SLC46A3: variants seen among roughly 807,000 people sequenced by gnomAD.
SLC46A3 encodes solute carrier family 46 member 3.
SLC46A3 carries 26 observed loss-of-function variants against 38.5 expected under a neutral mutation model. The observed-to-expected ratio is 0.68, with a 90% confidence interval of 0.49 to 0.94. The LOEUF (loss-of-function observed/expected upper bound fraction) is 0.94. Among genes scored for constraint, SLC46A3 ranks in the 40% least tolerant of loss-of-function variants. The probability of loss-of-function intolerance (pLI) is 0.00; values close to 1 mark genes in which losing one functional copy is unlikely to be tolerated. For missense variants in SLC46A3, 510 were observed against 544.3 expected (o/e 0.94, Z 0.63); for synonymous variants, 185 against 192.5 (o/e 0.96, Z 0.32).
Position 28,712,907 on chromosome 13 carries a change from G to GCACA in SLC46A3, c.832_833insTGTG (p.Ala278ValfsTer9). ...CAATTCATAAAGGATAAAAATTGGG[G>GCACA]CAATGCCAATTACCACAAAAAAATA... On this transcript the variant is annotated frameshift_variant, in exon 3 of 6. Coordinates refer to ENST00000266943, the MANE Select transcript of SLC46A3 (RefSeq NM_181785.4). LOFTEE classifies it high-confidence loss of function. 1 of 1,610,114 alleles carries GCACA rather than the reference G, an allele frequency of 6.2e-7. No individual in the cohort carries two copies. Among genetic ancestry groups the GCACA allele is most frequent in the Non-Finnish European group, 8.5e-7 (1 of 1,179,054 alleles).
At position 28,717,921 on chromosome 13, in the gene SLC46A3, T is replaced by G; in HGVS notation, c.78A>C (p.Gln26His). ...CTTCCCATATTCTCCGATAAACATA[T>G]TGCGTTGTCAGTGGACCGGTCAAAG... ...AMTLTGPLTT[Q>H]YVYRRIWEET... The change falls in exon 2 of 6, where the codon CAA (glutamine) becomes CAC (histidine). Residue 26 changes from glutamine to histidine, a missense_variant. Coordinates refer to ENST00000266943, the MANE Select transcript of SLC46A3 (RefSeq NM_181785.4). 6.2e-7 allele frequency: 1 copy of G among 1,614,152 alleles called. No homozygotes were observed. The highest frequency in any genetic ancestry group is 8.5e-7 in the Non-Finnish European group (1 of 1,180,018).
At chr13:28,706,879 T>A (rs539672257) in intron 4 of SLC46A3, among the ~76,000 whole-genome samples, 1 of 152,282 alleles carries the variant, frequency 6.6e-6, no homozygotes, top group East Asian at 1.9e-4. Context: ...AGAATGGCGA[T>A]CATTAAAAAG....
chr13:28,707,160 T>A (rs1031850565), intron 4 of SLC46A3, among the ~76,000 whole-genome samples: 5 of 152,084 alleles, frequency 3.3e-5, no homozygotes, highest in African/African-American at 9.6e-5. Flanking sequence ...CAAATGTCCA[T>A]CAATGATAGA....
chr13:28,717,700 G>T, intron 2 of SLC46A3, 110 bp downstream of exon 2: 2 of 1,105,110 alleles, frequency 1.8e-6, no homozygotes, highest in Non-Finnish European at 2.6e-6. Flanking sequence ...TTAGGACTTT[G>T]ATGGCCGCCC....
At position 28,713,420 on chromosome 13, in the gene SLC46A3, GAC is replaced by G. The variant is rs1435980612; in HGVS notation, c.318_319del (p.Leu106PhefsTer51). On this transcript the variant is annotated frameshift_variant, in exon 3 of 6. Transcript: ENST00000266943. LOFTEE classifies it high-confidence loss of function. ...GCTGGTTGCAAGAGCACCAACGGAAGACAAAATCATAGGGAATTTTCGTCCGT... is the reference window on the plus strand; with the variant it reads ...GCTGGTTGCAAGAGCACCAACGGAAGAAAATCATAGGGAATTTTCGTCCGT... 4 of 1,614,062 alleles carry G rather than the reference GAC, an allele frequency of 2.5e-6. No individual in the cohort carries two copies. In the East Asian group the frequency reaches 8.9e-5, roughly 36 times the overall value.
intron 4 of SLC46A3, among the ~76,000 whole-genome samples, chr13:28,706,737 A>G (rs1410074246): frequency 6.6e-6 from 1 of 152,158 alleles, no homozygotes; most frequent in Non-Finnish European, 1.5e-5. Flanking sequence ...AAGCCTTTAT[A>G]AGGATATGAA....
chr13:28,711,432 A>G (rs939900846), intron 3 of SLC46A3, among the ~76,000 whole-genome samples: 1 of 151,824 alleles, frequency 6.6e-6, no homozygotes, highest in Non-Finnish European at 1.5e-5. Context: ...CAAAGAAAAA[A>G]AAAAAACAAA....
chr13:28,717,702 T>C (rs547087515), intron 2 of SLC46A3, 108 bp downstream of exon 2: 19 of 1,125,780 alleles, frequency 1.7e-5, no homozygotes, highest in Non-Finnish European at 2.3e-5. Flanking sequence ...AGGACTTTGA[T>C]GGCCGCCCTA....
rs185041540 is a variant in SLC46A3 at position 28,713,085 on chromosome 13, C to T, written c.655G>A (p.Gly219Arg). 219 of 1,610,640 alleles carry T rather than the reference C, an allele frequency of 1.4e-4. No individual in the cohort carries two copies. The highest frequency in any genetic ancestry group is 1.7e-4 in the Admixed American group (10 of 59,376). The change falls in exon 3 of 6, where the codon GGA (glycine) becomes AGA (arginine). Residue 219 changes from glycine (G) to arginine (R), a missense_variant. Physicochemically the swap from Gly to Arg is moderately radical, Grantham distance 125. Transcript: ENST00000266943. ...GATGAACACTCTTTCACTGGATCTCCGAGAAAAAATAAAATATAGATCAAA... is the reference window on the plus strand; with the variant it reads ...GATGAACACTCTTTCACTGGATCTCTGAGAAAAAATAAAATATAGATCAAA... ...VNLIYILFFLGDPVKECSSQN... is the reference protein window; with the variant it reads ...VNLIYILFFLRDPVKECSSQN...
chr13:28,701,668 C>T lies in SLC46A3; in HGVS notation c.1302-87G>A, dbSNP rs938717810. The T allele has an allele frequency of 5.6e-6, 7 of 1,254,916 alleles. No individual in the cohort carries two copies. The African/African-American group carries it at 9.1e-5, about 16-fold the overall frequency. 77.7% of individuals were successfully genotyped at this position (1,254,916 alleles called of 1,614,324 possible). On this transcript the variant is annotated intron_variant, in intron 5 of 5. Transcript: ENST00000266943. The stretch of plus-strand genomic sequence containing the variant: ...GTTTTCCAACTTTTTTTCCCAGTTA[C>T]ATAGCTTTTAATAAATTATGCAGAT...
rs1051442760 is a variant in SLC46A3 at position 28,718,792 on chromosome 13, C to CA, written c.-322dup. 8 of 152,514 alleles carry CA rather than the reference C, an allele frequency of 5.2e-5. No homozygotes were observed. Among genetic ancestry groups the CA allele is most frequent in the Admixed American group, 3.3e-4 (5 of 15,318 alleles). The allele number at this position is 152,514 out of a possible 1,614,324, so 9.4% of individuals were successfully genotyped here. On this transcript the variant is annotated 5_prime_UTR_variant, in exon 1 of 6. The change abolishes the stop of an existing upstream ORF in the 5' untranslated region. Coordinates refer to ENST00000266943, the MANE Select transcript of SLC46A3 (RefSeq NM_181785.4). ...GAGTGACACCTGCAGGGTTCTCCGG[C>CA]AGCCCTCGGCTTCCCCGCGGCCCTG...
At position 28,701,038 on chromosome 13, in the gene SLC46A3, T is replaced by G. The variant is rs1249416856; in HGVS notation, c.*459A>C. On this transcript the variant is annotated 3_prime_UTR_variant, in exon 6 of 6. Coordinates refer to ENST00000266943, the MANE Select transcript of SLC46A3 (RefSeq NM_181785.4). Reference sequence around the variant, plus strand: ...TCATTATTTTCCTACCAATGAGTGATTCATCATAATTTTCATTATGCCTTC... The same window carrying G: ...TCATTATTTTCCTACCAATGAGTGAGTCATCATAATTTTCATTATGCCTTC... 1.3e-6 allele frequency: 2 copies of G among 1,513,914 alleles called. No homozygotes were observed. The highest frequency in any genetic ancestry group is 1.8e-6 in the Non-Finnish European group (2 of 1,129,548). 93.8% of individuals were successfully genotyped at this position (1,513,914 alleles called of 1,614,324 possible). A position where few individuals can be genotyped will look rare whatever the true frequency, so the allele number is the denominator to read the frequency against.
intron 4 of SLC46A3, among the ~76,000 whole-genome samples, chr13:28,708,116 G>A (rs1049494003): frequency 1.3e-5 from 2 of 152,088 alleles, no homozygotes; most frequent in African/African-American, 4.8e-5. Flanking sequence ...TCACTTTTTG[G>A]CTATTATGAA....
rs780565412 is a variant in SLC46A3, at chr13:28,701,008, T to A, written c.*489A>T. The A allele has an allele frequency of 1.5e-5, 23 of 1,525,374 alleles. No individual in the cohort carries two copies. The highest frequency in any genetic ancestry group is 2.0e-5 in the Non-Finnish European group (23 of 1,134,724). The allele number at this position is 1,525,374 out of a possible 1,614,324, so 94.5% of individuals were successfully genotyped here. A position where few individuals can be genotyped will look rare whatever the true frequency, so the allele number is the denominator to read the frequency against. On this transcript the variant is annotated 3_prime_UTR_variant, in exon 6 of 6. Transcript: ENST00000266943. ...AGGTAAAATCATACATATTTGAAAC[T>A]TATATCATTATTTTCCTACCAATGA... is the stretch of plus-strand genomic sequence containing the variant.
At chr13:28,713,851 C>A (rs190941420) in intron 2 of SLC46A3, among the ~76,000 whole-genome samples, 1 of 152,124 alleles carries the variant, frequency 6.6e-6, no homozygotes, top group Non-Finnish European at 1.5e-5. Flanking sequence ...CATTTAAACA[C>A]AAAATTCATT....
chr13:28,710,318 C>G (rs1885305812), intron 4 of SLC46A3, among the ~76,000 whole-genome samples: 1 of 152,210 alleles, frequency 6.6e-6, no homozygotes, highest in Non-Finnish European at 1.5e-5. Context: ...TGGCTCCTTC[C>G]TTGGTCTACA....
Sources: allele counts gnomAD v4.1 joint callset (sites outside exome capture counted in the v4.1 genomes callset), GRCh38; gene constraint gnomAD v4.1.1; transcripts MANE v1.5; gene names NCBI Gene and HGNC (gene_info 2026-07-23, HGNC 2026-07-21).